PLEKHM2: variants seen among roughly 807,000 people sequenced by gnomAD.
PLEKHM2 encodes pleckstrin homology domain-containing family M member 2.
A neutral mutation model predicts 116.3 loss-of-function variants in PLEKHM2; 77 were observed. That is an observed-to-expected ratio of 0.66 (90% CI 0.55 to 0.80). PLEKHM2 has a LOEUF of 0.80. Among genes scored for constraint, PLEKHM2 ranks in the 30% least tolerant of loss-of-function variants. The probability of loss-of-function intolerance (pLI) is 0.00; values close to 1 mark genes in which losing one functional copy is unlikely to be tolerated. For missense variants in PLEKHM2, 1,183 were observed against 1,354.9 expected (o/e 0.87, Z 1.99); for synonymous variants, 562 against 571.0 (o/e 0.98, Z 0.22).
chr1:15,688,837 A>G (rs1197055428), intron 1 of PLEKHM2, among the ~76,000 whole-genome samples: 1 of 152,126 alleles, frequency 6.6e-6, no homozygotes, highest in African/African-American at 2.4e-5. Context: ...GGTTCTACTA[A>G]ATAACATCTT....
chr1:15,689,442 G>A (rs1181740772), intron 1 of PLEKHM2, among the ~76,000 whole-genome samples: 3 of 152,152 alleles, frequency 2.0e-5, no homozygotes, highest in Non-Finnish European at 4.4e-5. Flanking sequence ...GATGCGGCTG[G>A]AAGGTGCTTT....
At chr1:15,718,129 G>C in intron 4 of PLEKHM2, 137 bp downstream of exon 4, 4 of 653,452 alleles carry the variant, frequency 6.1e-6, no homozygotes, top group South Asian at 1.8e-5. Flanking sequence ...GCCAGTAGCT[G>C]GGTAGCCTTC....
Position 15,728,842 on chromosome 1 carries a change from T to A in PLEKHM2, c.1986+109T>A. 1 of 1,059,062 alleles carries A rather than the reference T, an allele frequency of 9.4e-7. No homozygotes were observed. The highest frequency in any genetic ancestry group is 1.4e-6 in the Non-Finnish European group (1 of 706,730). The allele number at this position is 1,059,062 out of a possible 1,614,324, so 65.6% of individuals were successfully genotyped here. A position where few individuals can be genotyped will look rare whatever the true frequency, so the allele number is the denominator to read the frequency against. On this transcript the variant is annotated intron_variant, in intron 12 of 19. Coordinates refer to ENST00000375799, the MANE Select transcript of PLEKHM2 (RefSeq NM_015164.4). This position sits in a 1 kb window ranked among gnomAD's most constrained non-coding sequence, Gnocchi z 5.9. ...ACGGCCCCTTACTCCCCTCCCGGGG[T>A]TGGGCACCAACTTAACTCTCAGAGA...
chr1:15,710,648 A>C (rs1474466731), intron 1 of PLEKHM2, among the ~76,000 whole-genome samples: 3 of 152,138 alleles, frequency 2.0e-5, no homozygotes, highest in Non-Finnish European at 2.9e-5. Flanking sequence ...TTTGAAAAAG[A>C]ATGTTGAGGG....
At chr1:15,720,481 G>A in intron 6 of PLEKHM2, 1 of 985,270 alleles carries the variant, frequency 1.0e-6, no homozygotes, top group Non-Finnish European at 1.2e-6. Flanking sequence ...CGAGGAAGAA[G>A]CTGCAGGTCA....
At chr1:15,699,570 A>G (rs1042318662) in intron 1 of PLEKHM2, among the ~76,000 whole-genome samples, 2 of 151,986 alleles carry the variant, frequency 1.3e-5, no homozygotes, top group African/African-American at 4.8e-5. Flanking sequence ...TATGTGCCAC[A>G]TTTTCTTAAT....
Position 15,716,357 on chromosome 1 carries a change from A to G in PLEKHM2, c.167+14A>G. ...CCTGCTGTACGGGTAAGGTGGAGGA[A>G]GTTTCCAAAGATGACGGAGCACAAC... On this transcript the variant is annotated intron_variant, in intron 2 of 19. Transcript: ENST00000375799. 2 of 1,522,766 alleles carry G rather than the reference A, an allele frequency of 1.3e-6. No homozygotes were observed. The highest frequency in any genetic ancestry group is 1.8e-6 in the Non-Finnish European group (2 of 1,111,858). 94.3% of individuals were successfully genotyped at this position (1,522,766 alleles called of 1,614,324 possible).
intron 16 of PLEKHM2, 100 bp from the exon 17 acceptor site, chr1:15,731,789 G>A (rs2068146192): frequency 9.8e-7 from 1 of 1,016,244 alleles, no homozygotes; most frequent in African/African-American, 1.6e-5. Flanking sequence ...AAGACGGTGG[G>A]GCAGACCCTG....
In PLEKHM2 at chr1:15,732,348, A is replaced by C. The variant is rs1375490884; in HGVS notation, c.2626-2A>C. The C allele has an allele frequency of 6.4e-7, 1 of 1,550,710 alleles. No homozygotes were observed. Among genetic ancestry groups the C allele is most frequent in the Admixed American group, 2.0e-5 (1 of 51,018 alleles). ...CCTGCCTCTCCCCTGCCCCGCTGCC[A>C]GGTCATCCCCCAGGGCGTAGCTCCC... On this transcript the variant is annotated splice_acceptor_variant, in intron 17 of 19. Transcript: ENST00000375799. LOFTEE classifies it high-confidence loss of function.
In PLEKHM2 at chr1:15,727,670, T is replaced by G. The variant is rs2068083963; in HGVS notation, c.1598T>G (p.Leu533Arg). 2 of 1,595,566 alleles carry G rather than the reference T, an allele frequency of 1.3e-6. No homozygotes were observed. Among genetic ancestry groups the G allele is most frequent in the East Asian group, 4.5e-5 (2 of 44,016 alleles). Residue 533 changes from leucine to arginine, a missense_variant, in exon 9 of 20, where the codon CTG (leucine) becomes CGG (arginine). Physicochemically the swap from Leu to Arg is moderately radical, Grantham distance 102. Transcript: ENST00000375799. This position sits in a 1 kb window ranked among gnomAD's most constrained non-coding sequence, Gnocchi z 7.5. ...EAQELEAQLSLVREGPVSEPE... is the reference protein window; with the variant it reads ...EAQELEAQLSRVREGPVSEPE... ...CAGGAGCTGGAGGCCCAGCTGTCCC[T>G]GGTCAGGGAGGGGCCTGTGTCTGAG...
chr1:15,710,228 A>C (rs1424666741), intron 1 of PLEKHM2, among the ~76,000 whole-genome samples: 1 of 110,672 alleles, frequency 9.0e-6, no homozygotes, highest in Non-Finnish European at 1.8e-5. Context: ...CTCCATCTCC[A>C]AAAAAAAAAA....
rs1173964111 is a variant in PLEKHM2 at position 15,716,746 on chromosome 1, G to A, written c.207G>A (p.Val69=). The change falls in exon 3 of 20, where the codon GTG becomes GTA. Residue 69 remains valine (V), a synonymous_variant. Coordinates refer to ENST00000375799, the MANE Select transcript of PLEKHM2 (RefSeq NM_015164.4). ...DLSSGYWVLV[V]HFTRREAIKQ... is the part of the protein sequence containing the mutation. ...CCTCTGGCTACTGGGTGCTCGTGGTGCATTTTACTCGGAGAGAGGCCATCA... is the reference window on the plus strand; with the variant it reads ...CCTCTGGCTACTGGGTGCTCGTGGTACATTTTACTCGGAGAGAGGCCATCA... 6 of 1,579,570 alleles carry A rather than the reference G, an allele frequency of 3.8e-6. No individual in the cohort carries two copies. Among genetic ancestry groups the A allele is most frequent in the Non-Finnish European group, 5.2e-6 (6 of 1,162,616 alleles).
chr1:15,709,641 C>A (rs1213483246), intron 1 of PLEKHM2, among the ~76,000 whole-genome samples: 1 of 152,150 alleles, frequency 6.6e-6, no homozygotes, highest in Non-Finnish European at 1.5e-5. Context: ...CCCGGGTTTC[C>A]TGCCTACGGA....
At position 15,719,946 on chromosome 1, in the gene PLEKHM2, T is replaced by C. The variant is rs1383467643; in HGVS notation, c.652+26T>C. On this transcript the variant is annotated intron_variant, in intron 6 of 19. Transcript: ENST00000375799. The surrounding 1 kb of genome is among the most constrained non-coding windows in gnomAD (Gnocchi z 4.1). Reference sequence around the variant, plus strand: ...GTGAGTGGCCCCAGGGCAGAAAAGCTAAGCCCCTGTTGTGAAACAGACTTG... The same window carrying C: ...GTGAGTGGCCCCAGGGCAGAAAAGCCAAGCCCCTGTTGTGAAACAGACTTG... 1.6e-5 allele frequency: 25 copies of C among 1,586,512 alleles called. No individual in the cohort carries two copies. The highest frequency in any genetic ancestry group is 2.2e-5 in the Non-Finnish European group (25 of 1,160,886).
At chr1:15,726,445 A>C (rs373532266) in intron 8 of PLEKHM2, among the ~76,000 whole-genome samples, 1 of 152,190 alleles carries the variant, frequency 6.6e-6, no homozygotes. Context: ...GACTGGAGCC[A>C]GGAGGCCACC....
In PLEKHM2 at chr1:15,732,423, C is replaced by G. The variant is rs765432354; in HGVS notation, c.2699C>G (p.Thr900Arg). 6.3e-7 allele frequency: 1 copy of G among 1,581,718 alleles called. No individual in the cohort carries two copies. Among genetic ancestry groups the G allele is most frequent in the African/African-American group, 1.3e-5 (1 of 74,426 alleles). The change falls in exon 18 of 20, where the codon ACG becomes AGG. Residue 900 changes from threonine to arginine, a missense_variant. Around this residue, in one of 3 missense-constraint regions of PLEKHM2, gnomAD observed 594 missense variants for 720.1 expected, o/e 0.82. Transcript: ENST00000375799. ...GTCCTCACGGATGACCGCCTCTTTA[C>G]GTGCCATGAGGATTGCCAGACCAGC... ...CLVLTDDRLF[T>R]CHEDCQTSFF...
At chr1:15,706,168 C>G (rs1312520154) in intron 1 of PLEKHM2, among the ~76,000 whole-genome samples, 1 of 152,172 alleles carries the variant, frequency 6.6e-6, no homozygotes, top group Admixed American at 6.5e-5. Context: ...AGCTTCCCAT[C>G]AAACTGGTAA....
In PLEKHM2 at chr1:15,719,953, CT is replaced by C; in HGVS notation, c.652+34del. On this transcript the variant is annotated intron_variant, in intron 6 of 19. Transcript: ENST00000375799. The surrounding 1 kb of genome is among the most constrained non-coding windows in gnomAD (Gnocchi z 4.1). ...GCCCCAGGGCAGAAAAGCTAAGCCC[CT>C]GTTGTGAAACAGACTTGAACTGCTT... 6.4e-7 allele frequency: 1 copy of C among 1,572,036 alleles called. No individual in the cohort carries two copies. Among genetic ancestry groups the C allele is most frequent in the Non-Finnish European group, 8.7e-7 (1 of 1,150,850 alleles).
chr1:15,691,887 T>G (rs1212962082), intron 1 of PLEKHM2, among the ~76,000 whole-genome samples: 1 of 151,878 alleles, frequency 6.6e-6, no homozygotes, highest in East Asian at 1.9e-4. Context: ...GGTGGGAGGA[T>G]CACTTGAGTC....
Sources: allele counts gnomAD v4.1 joint callset (sites outside exome capture counted in the v4.1 genomes callset), GRCh38; gene constraint gnomAD v4.1.1; regional missense constraint gnomAD v4.1.1; non-coding constraint Gnocchi (gnomAD v3.1); transcripts MANE v1.5; gene names NCBI Gene and HGNC (gene_info 2026-07-23, HGNC 2026-07-21).